Variants in PTPDC1 observed in about 807,000 individuals in gnomAD.
The protein encoded by PTPDC1 is protein tyrosine phosphatase domain containing 1, also known as protein tyrosine phosphatase domain-containing protein 1.
PTPDC1 carries 53 observed loss-of-function variants against 75.3 expected under a neutral mutation model. The ratio of observed to expected loss-of-function variants is 0.70; its 90% CI spans 0.56 to 0.88. PTPDC1 has a LOEUF of 0.88. Among genes scored for constraint, PTPDC1 ranks in the 40% least tolerant of loss-of-function variants. PTPDC1 has a pLI of 0.00. For synonymous variants in PTPDC1, 349 were observed against 366.2 expected (o/e 0.95, Z 0.54); for missense variants, 925 against 998.6 (o/e 0.93, Z 0.99).
At chr9:94,051,743 T>C (rs1282734605) in intron 1 of PTPDC1, among the ~76,000 whole-genome samples, 1 of 152,194 alleles carries the variant, frequency 6.6e-6, no homozygotes. Context: ...ATTAATCACA[T>C]TTATAGGCAC....
intron 1 of PTPDC1, among the ~76,000 whole-genome samples, chr9:94,062,800 G>A (rs1418357639): frequency 1.3e-5 from 2 of 152,122 alleles, no homozygotes; most frequent in Non-Finnish European, 2.9e-5. Context: ...ATTTGGGTGG[G>A]GACACAGATC....
chr9:94,075,877 A>T (rs1041960561), intron 2 of PTPDC1, among the ~76,000 whole-genome samples: 1 of 152,202 alleles, frequency 6.6e-6, no homozygotes, highest in Non-Finnish European at 1.5e-5. Flanking sequence ...TAAAGTACCA[A>T]TCCAGTGTTT....
chr9:94,052,220 T>G (rs1825813465), intron 1 of PTPDC1, among the ~76,000 whole-genome samples: 1 of 152,218 alleles, frequency 6.6e-6, no homozygotes, highest in Non-Finnish European at 1.5e-5. Flanking sequence ...CTGAGACTTC[T>G]TAATCTATGT....
intron 1 of PTPDC1, among the ~76,000 whole-genome samples, chr9:94,041,216 G>A (rs573331686): frequency 7.9e-5 from 12 of 152,282 alleles, no homozygotes; most frequent in African/African-American, 2.9e-4. Flanking sequence ...GAGATACTAA[G>A]CAAGGACCAC....
chr9:94,098,372 T>C lies in PTPDC1; in HGVS notation c.1806T>C (p.Pro602=), dbSNP rs755580853. The change falls in exon 6 of 9, where the codon CCT becomes CCC. Residue 602 remains proline (P), a synonymous_variant. Coordinates refer to ENST00000620992, the MANE Select transcript of PTPDC1 (RefSeq NM_001253829.2). The stretch of plus-strand genomic sequence containing the variant: ...AGAACAGCAGGACACCCCGAAGCCC[T>C]CTGGACTGTGGCTCCAGTCCCAAAG... The part of the protein sequence containing the change: ...VRQNSRTPRS[P]LDCGSSPKAQ... 2.3e-5 allele frequency: 37 copies of C among 1,614,052 alleles called. No individual in the cohort carries two copies. Among genetic ancestry groups the C allele is most frequent in the East Asian group, 2.2e-5 (1 of 44,890 alleles).
At chr9:94,063,003 A>G (rs1826189374) in intron 1 of PTPDC1, among the ~76,000 whole-genome samples, 1 of 152,222 alleles carries the variant, frequency 6.6e-6, no homozygotes, top group Non-Finnish European at 1.5e-5. Flanking sequence ...TCATGACCCC[A>G]TGGTCTACAG....
chr9:94,056,245 A>G (rs537050777), intron 1 of PTPDC1, among the ~76,000 whole-genome samples: 2 of 152,312 alleles, frequency 1.3e-5, no homozygotes, highest in East Asian at 3.9e-4. Flanking sequence ...AGTTATTATT[A>G]TTATATTATT....
intron 1 of PTPDC1, among the ~76,000 whole-genome samples, chr9:94,049,621 A>G (rs1475705533): frequency 2.6e-5 from 4 of 152,130 alleles, no homozygotes; most frequent in Admixed American, 1.3e-4. Context: ...GGGTAACCCG[A>G]CCTTTCTCTC....
Position 94,101,670 on chromosome 9 carries a change from G to GT in PTPDC1, c.2118_2119insT (p.Pro707SerfsTer13). ...GGTCTTGGGTGGAGCAACTGAAGGA[G>GT]CCTGTAATCACCAAAGAGGATGTGG... On this transcript the variant is annotated frameshift_variant, in exon 7 of 9. Coordinates refer to ENST00000620992, the MANE Select transcript of PTPDC1 (RefSeq NM_001253829.2). LOFTEE classifies it high-confidence loss of function. The GT allele has an allele frequency of 6.2e-7, 1 of 1,613,948 alleles. No individual in the cohort carries two copies. The highest frequency in any genetic ancestry group is 8.5e-7 in the Non-Finnish European group (1 of 1,179,878).
chr9:94,076,132 C>G (rs930964955), intron 2 of PTPDC1, among the ~76,000 whole-genome samples: 8 of 152,174 alleles, frequency 5.3e-5, no homozygotes, highest in Non-Finnish European at 1.2e-4. Flanking sequence ...TCTCAAGTAG[C>G]TGGGATTACA....
At position 94,098,346 on chromosome 9, in the gene PTPDC1, C is replaced by G. The variant is rs1827697275; in HGVS notation, c.1780C>G (p.Gln594Glu). The change falls in exon 6 of 9, where the codon CAG (glutamine) becomes GAG (glutamate). Residue 594 changes from glutamine (Q) to glutamate (E), a missense_variant. Physicochemically the swap from Gln to Glu is conservative, Grantham distance 29 (BLOSUM62 2). Transcript: ENST00000620992. ...TGTTGGGAGCCCTGGCTCTGTCAGG[C>G]AGAACAGCAGGACACCCCGAAGCCC... ...HGVGSPGSVR[Q>E]NSRTPRSPLD... 1 of 1,614,146 alleles carries G rather than the reference C, an allele frequency of 6.2e-7. No homozygotes were observed. Among genetic ancestry groups the G allele is most frequent in the Non-Finnish European group, 8.5e-7 (1 of 1,180,032 alleles).
intron 1 of PTPDC1, among the ~76,000 whole-genome samples, chr9:94,062,276 G>A (rs1261211242): frequency 6.6e-6 from 1 of 152,084 alleles, no homozygotes; most frequent in East Asian, 1.9e-4. Flanking sequence ...TTCCATCTGA[G>A]ACCTCCTCAG....
intron 1 of PTPDC1, among the ~76,000 whole-genome samples, chr9:94,058,403 G>GA (rs1358939549): frequency 6.6e-6 from 1 of 151,986 alleles, no homozygotes; most frequent in Non-Finnish European, 1.5e-5. Context: ...TAGTCAGTAA[G>GA]AAAAAAGCTA....
chr9:94,057,307 C>T (rs147609128), intron 1 of PTPDC1, among the ~76,000 whole-genome samples: 1 of 152,168 alleles, frequency 6.6e-6, no homozygotes, highest in East Asian at 1.9e-4. Context: ...TGGTTTTGAA[C>T]TCCTGGGCTC....
At chr9:94,100,720 A>G (rs1827806715) in intron 6 of PTPDC1, 1 of 152,228 alleles carries the variant, frequency 6.6e-6, no homozygotes, top group African/African-American at 2.4e-5. Context: ...CATGTAGTAA[A>G]TATTGGGTAG....
chr9:94,097,581 G>T lies in PTPDC1; in HGVS notation c.1015G>T (p.Val339Leu), dbSNP rs559048001. 8.1e-6 allele frequency: 13 copies of T among 1,613,932 alleles called. No individual in the cohort carries two copies. The South Asian group carries it at 1.2e-4, about 15-fold the overall frequency. Residue 339 changes from valine (V) to leucine (L), a missense_variant, in exon 6 of 9, where the codon GTG becomes TTG. Physicochemically the swap from Val to Leu is conservative, Grantham distance 32. Coordinates refer to ENST00000620992, the MANE Select transcript of PTPDC1 (RefSeq NM_001253829.2). ...TTATGAGGCACGACTTCTGAAACACGTGCCAAAAATTATCCACCTAGTTTG... is the reference window on the plus strand; with the variant it reads ...TTATGAGGCACGACTTCTGAAACACTTGCCAAAAATTATCCACCTAGTTTG... The part of the protein sequence containing the change: ...HGYEARLLKH[V>L]PKIIHLVCKL...
intron 1 of PTPDC1, among the ~76,000 whole-genome samples, chr9:94,054,813 A>G (rs1445529145): frequency 1.3e-5 from 2 of 152,216 alleles, no homozygotes; most frequent in Non-Finnish European, 2.9e-5. Flanking sequence ...CCAGTTTTCT[A>G]GGAAAAAGCA....
chr9:94,038,742 CA>C (rs2118398546), intron 1 of PTPDC1, among the ~76,000 whole-genome samples: 1 of 152,240 alleles, frequency 6.6e-6, no homozygotes, highest in East Asian at 1.9e-4. Flanking sequence ...CAGAACCAAG[CA>C]AGATTCACCT....
upstream of PTPDC1, among the ~76,000 whole-genome samples, chr9:94,079,480 T>G (rs1006773413): frequency 1.3e-5 from 2 of 152,186 alleles, no homozygotes; most frequent in Admixed American, 6.5e-5. Context: ...GTGGCTGTTT[T>G]TGAGGTCAGT....
Sources: allele counts gnomAD v4.1 joint callset (sites outside exome capture counted in the v4.1 genomes callset), GRCh38; gene constraint gnomAD v4.1.1; transcripts MANE v1.5; gene names NCBI Gene and HGNC (gene_info 2026-07-23, HGNC 2026-07-21).